ERC1: variants seen among roughly 807,000 people sequenced by gnomAD.
ERC1 encodes the protein RAB6 interacting protein 2.
In ERC1, 56 loss-of-function variants were observed where a neutral mutation model predicts 132.0. The ratio of observed to expected loss-of-function variants is 0.42; its 90% CI spans 0.34 to 0.53. The LOEUF is 0.53. Among genes scored for constraint, ERC1 ranks in the 20% least tolerant of loss-of-function variants. The pLI is 0.03. For missense variants in ERC1, 1,202 were observed against 1,349.9 expected, an observed-to-expected ratio of 0.89 and a Z score of 1.72; for synonymous variants, 478 against 476.1, an observed-to-expected ratio of 1.00 and a Z score of -0.05.
intron 8 of ERC1, among the ~76,000 whole-genome samples, chr12:1,150,499 A>G (rs899507318): frequency 6.6e-6 from 1 of 152,190 alleles, no homozygotes; most frequent in Admixed American, 6.5e-5. Flanking sequence ...TTTATTTATT[A>G]TTTATATTGC....
chr12:1,487,187 C>T (rs1548561), intron 18 of ERC1, among the ~76,000 whole-genome samples: 7 of 151,984 alleles, frequency 4.6e-5, no homozygotes, highest in Admixed American at 3.9e-4. Flanking sequence ...GCACCAAGGC[C>T]GCGTGGTCTA....
At chr12:1,123,956 C>T (rs1246714746) in intron 7 of ERC1, among the ~76,000 whole-genome samples, 1 of 152,086 alleles carries the variant, frequency 6.6e-6, no homozygotes, top group Non-Finnish European at 1.5e-5. Flanking sequence ...AGATCATACC[C>T]CTGGGTGACA....
intron 7 of ERC1, among the ~76,000 whole-genome samples, chr12:1,124,518 A>G (rs933472756): frequency 2.6e-5 from 4 of 152,184 alleles, no homozygotes; most frequent in Non-Finnish European, 5.9e-5. Flanking sequence ...CTAAAGCAGT[A>G]TTTAGAGGGA....
chr12:1,208,361 T>G (rs566170937), intron 12 of ERC1, among the ~76,000 whole-genome samples: 3 of 152,282 alleles, frequency 2.0e-5, no homozygotes, highest in Admixed American at 2.0e-4. Context: ...TTTTCATGTT[T>G]TTAAGCTCAT....
intron 13 of ERC1, 83 bp downstream of exon 13, chr12:1,236,987 CCTCCTCTTTTTT>C: frequency 6.6e-7 from 1 of 1,512,908 alleles, no homozygotes; most frequent in South Asian, 1.2e-5. Context: ...TCATCTTTAT[CCTCCTCTTTTTT>C]CTCTTTCTAA....
chr12:1,277,007 A>G (rs1175220724), intron 14 of ERC1, among the ~76,000 whole-genome samples: 2 of 152,232 alleles, frequency 1.3e-5, no homozygotes, highest in Non-Finnish European at 2.9e-5. Context: ...TAGAATAGAT[A>G]TTTATGTGAA....
chr12:1,180,689 GCCCC>G lies in ERC1; in HGVS notation c.1875+13_1875+16del, dbSNP rs748596079. On this transcript the variant is annotated intron_variant, in intron 9 of 18. Coordinates refer to ENST00000360905, the MANE Select transcript of ERC1 (RefSeq NM_178040.4). ...CCCTTGCAGAGAAAGTGAGTGGCTG[GCCCC>G]AACTCTCCACACACGTTTTCTGCTT... The G allele has an allele frequency of 6.2e-7, 1 of 1,613,772 alleles. No individual in the cohort carries two copies. Among genetic ancestry groups the G allele is most frequent in the Non-Finnish European group, 8.5e-7 (1 of 1,179,934 alleles).
intron 12 of ERC1, among the ~76,000 whole-genome samples, chr12:1,220,048 C>T (rs1023464740): frequency 6.6e-6 from 1 of 152,124 alleles, no homozygotes; most frequent in Non-Finnish European, 1.5e-5. Flanking sequence ...CACCTATCAG[C>T]TTTTTTGTTG....
intron 1 of ERC1, among the ~76,000 whole-genome samples, chr12:1,019,880 T>C (rs779996074): frequency 3.3e-5 from 5 of 152,106 alleles, no homozygotes; most frequent in Non-Finnish European, 7.4e-5. Context: ...TAGCTGGGAC[T>C]GCAGGCATGA....
At chr12:1,402,967 C>T (rs2091200829) in intron 16 of ERC1, among the ~76,000 whole-genome samples, 1 of 152,098 alleles carries the variant, frequency 6.6e-6, no homozygotes, top group African/African-American at 2.4e-5. Context: ...TAAACTTTTT[C>T]TTTTAATAGC....
chr12:1,081,841 T>G (rs1942239137), intron 2 of ERC1, among the ~76,000 whole-genome samples: 2 of 152,148 alleles, frequency 1.3e-5, no homozygotes, highest in South Asian at 4.1e-4. Flanking sequence ...AAAGTAGATG[T>G]CATGTTAAGG....
In ERC1 at chr12:1,397,894, G is replaced by T. The variant is rs913664856; in HGVS notation, c.2926-10255G>T. Among the ~76,000 whole-genome samples the T allele has an allele frequency of 5.9e-5, 9 of 152,242 alleles. No homozygotes were observed. In the East Asian group the frequency reaches 1.5e-3, roughly 26 times the overall value. ...GAATCTAATTATATATTAAATTGTT[G>T]ACATTCACATTGAGCAAATAATTAT... is the stretch of plus-strand genomic sequence containing the variant. On this transcript the variant is annotated intron_variant, in intron 16 of 18. Transcript: ENST00000360905.
At chr12:1,410,850 G>C (rs1044113084) in intron 17 of ERC1, among the ~76,000 whole-genome samples, 1 of 151,626 alleles carries the variant, frequency 6.6e-6, no homozygotes, top group African/African-American at 2.4e-5. Flanking sequence ...CAAGTACTTT[G>C]CTCATTGGCC....
intron 2 of ERC1, among the ~76,000 whole-genome samples, chr12:1,047,495 G>A (rs906417934): frequency 2.6e-5 from 4 of 152,168 alleles, no homozygotes; most frequent in African/African-American, 4.8e-5. Context: ...CACTATTTTC[G>A]TTTTAGAGAT....
At chr12:1,078,887 CAG>C (rs1941763121) in intron 2 of ERC1, among the ~76,000 whole-genome samples, 2 of 125,884 alleles carry the variant, frequency 1.6e-5, no homozygotes, top group African/African-American at 2.7e-5. Flanking sequence ...TACAAAGATA[CAG>C]ATAGAAATGA....
intron 18 of ERC1, among the ~76,000 whole-genome samples, chr12:1,447,523 A>G (rs2093332550): frequency 1.3e-5 from 2 of 150,462 alleles, no homozygotes; most frequent in Non-Finnish European, 2.9e-5. Context: ...CTCAAAAACA[A>G]ACAAACAGCA....
In ERC1 at chr12:1,424,293, A is replaced by G. The variant is rs1032628245; in HGVS notation, c.3024+16046A>G. Among the ~76,000 whole-genome samples, 13 of 152,146 alleles carry G rather than the reference A, an allele frequency of 8.5e-5. No individual in the cohort carries two copies. In the East Asian group the frequency reaches 1.7e-3, roughly 20 times the overall value. ...GAACATACAATGTCAGGTGTTTTCAATAGAGGGGTAATAGAAGAATTAGAG... is the reference window on the plus strand; with the variant it reads ...GAACATACAATGTCAGGTGTTTTCAGTAGAGGGGTAATAGAAGAATTAGAG... On this transcript the variant is annotated intron_variant, in intron 17 of 18. Transcript: ENST00000360905.
At chr12:1,221,885 T>C (rs985098672) in intron 12 of ERC1, among the ~76,000 whole-genome samples, 1 of 152,186 alleles carries the variant, frequency 6.6e-6, no homozygotes, top group Non-Finnish European at 1.5e-5. Context: ...TCATGAGTCA[T>C]TGAATAATTG....
intron 12 of ERC1, among the ~76,000 whole-genome samples, chr12:1,228,871 A>G (rs2074809136): frequency 6.6e-6 from 1 of 152,250 alleles, no homozygotes; most frequent in African/African-American, 2.4e-5. Context: ...CCACTTGATT[A>G]TAGTGAATGG....
Sources: allele counts gnomAD v4.1 joint callset (sites outside exome capture counted in the v4.1 genomes callset), GRCh38; gene constraint gnomAD v4.1.1; transcripts MANE v1.5; gene names NCBI Gene and HGNC (gene_info 2026-07-23, HGNC 2026-07-21).